The following LRP1B variants were observed in gnomAD, a reference collection of about 807,000 sequenced individuals.
The protein encoded by LRP1B is low-density lipoprotein receptor-related protein 1B.
LRP1B carries 217 observed loss-of-function variants against 556.6 expected under a neutral mutation model. The observed-to-expected ratio is 0.39, with a 90% CI of 0.35 to 0.44. The LOEUF (loss-of-function observed/expected upper bound fraction) is 0.44. Among genes scored for constraint, LRP1B ranks in the 20% least tolerant of loss-of-function variants. The pLI is 1.00. For synonymous variants in LRP1B, 2,047 were observed against 1,865.8 expected (o/e 1.10, Z -2.50); for missense variants, 5,053 against 5,620.8 (o/e 0.90, Z 3.23).
chr2:142,014,330 G>A (rs1223673010), intron 1 of LRP1B, among the ~76,000 whole-genome samples: 2 of 152,070 alleles, frequency 1.3e-5, no homozygotes, highest in East Asian at 3.9e-4. Context: ...AAATCTGTTT[G>A]CATTTTTTAT....
intron 5 of LRP1B, among the ~76,000 whole-genome samples, chr2:141,246,505 T>C (rs910471436): frequency 6.6e-6 from 1 of 152,026 alleles, no homozygotes; most frequent in Non-Finnish European, 1.5e-5. Context: ...CGATTTGGTT[T>C]ATGTTTTAGT....
intron 1 of LRP1B, among the ~76,000 whole-genome samples, chr2:142,082,181 A>G (rs1705743516): frequency 6.6e-6 from 1 of 152,210 alleles, no homozygotes; most frequent in South Asian, 2.1e-4. Flanking sequence ...AAGAAAATAA[A>G]TGAGATTATT....
At chr2:140,494,230 T>C (rs1374106928) in intron 56 of LRP1B, among the ~76,000 whole-genome samples, 1 of 152,132 alleles carries the variant, frequency 6.6e-6, no homozygotes, top group Admixed American at 6.5e-5. Context: ...CATATTTTAA[T>C]TGTTACTATT....
intron 66 of LRP1B, among the ~76,000 whole-genome samples, chr2:140,425,359 T>C (rs1257259229): frequency 5.3e-5 from 8 of 152,020 alleles, no homozygotes; most frequent in African/African-American, 1.9e-4. Flanking sequence ...TGGGTGTGAG[T>C]CTGGAGCCAG....
At chr2:140,775,557 G>C (rs954088181) in intron 33 of LRP1B, among the ~76,000 whole-genome samples, 1 of 149,718 alleles carries the variant, frequency 6.7e-6, no homozygotes, top group Admixed American at 6.7e-5. Flanking sequence ...GCAGATGTGG[G>C]GCTGTACTGG....
chr2:141,073,533 T>C (rs995686665), intron 7 of LRP1B, among the ~76,000 whole-genome samples: 4 of 152,122 alleles, frequency 2.6e-5, no homozygotes, highest in Non-Finnish European at 4.4e-5. Flanking sequence ...CCCATGACTT[T>C]CATTAATGTT....
chr2:140,760,022 CA>C (rs5834774), intron 35 of LRP1B, among the ~76,000 whole-genome samples: 52,704 of 151,814 alleles, frequency 0.35, 9,453 homozygotes, highest in African/African-American at 0.44. Flanking sequence ...ATAAAAACTT[CA>C]AAGAATGGTT....
chr2:142,075,849 CA>C (rs1404398515), intron 1 of LRP1B, among the ~76,000 whole-genome samples: 1 of 152,206 alleles, frequency 6.6e-6, no homozygotes, highest in East Asian at 1.9e-4. Flanking sequence ...CAATCACAAT[CA>C]AAACTCATGA....
At chr2:141,679,648 T>C (rs1035431164) in intron 2 of LRP1B, among the ~76,000 whole-genome samples, 2 of 152,068 alleles carry the variant, frequency 1.3e-5, no homozygotes, top group Non-Finnish European at 2.9e-5. Flanking sequence ...GCATGCACAT[T>C]GAGGGTTGCT....
rs1686648572 is a variant in LRP1B, at chr2:140,701,713, G to A, written c.6427+8C>T. ...ATACATATTATGTATTCTTTCAAGA[G>A]TGCTGACCTTTCTCTCTTACTCGGT... On this transcript the variant is annotated splice_region_variant and intron_variant, in intron 40 of 90. Coordinates refer to ENST00000389484, the MANE Select transcript of LRP1B (RefSeq NM_018557.3). The A allele has an allele frequency of 6.2e-7, 1 of 1,611,084 alleles. No homozygotes were observed. Among genetic ancestry groups the A allele is most frequent in the Non-Finnish European group, 8.5e-7 (1 of 1,178,288 alleles).
intron 7 of LRP1B, among the ~76,000 whole-genome samples, chr2:141,164,710 A>G (rs956472815): frequency 6.6e-6 from 1 of 152,022 alleles, no homozygotes; most frequent in African/African-American, 2.4e-5. Flanking sequence ...ATCCTGCTGA[A>G]ATCCAAATGT....
intron 35 of LRP1B, among the ~76,000 whole-genome samples, chr2:140,735,449 A>G (rs1687915368): frequency 1.3e-5 from 2 of 152,174 alleles, no homozygotes; most frequent in African/African-American, 4.8e-5. Flanking sequence ...AAAAATGGAC[A>G]CAGCTGAGCA....
At chr2:141,937,489 T>G (rs1486230424) in intron 1 of LRP1B, among the ~76,000 whole-genome samples, 1 of 151,864 alleles carries the variant, frequency 6.6e-6, no homozygotes, top group Non-Finnish European at 1.5e-5. Flanking sequence ...ATGTATGGAT[T>G]GAGACTATAT....
At chr2:140,442,279 A>G (rs1258301479) in intron 66 of LRP1B, among the ~76,000 whole-genome samples, 2 of 152,186 alleles carry the variant, frequency 1.3e-5, no homozygotes, top group Admixed American at 6.5e-5. Context: ...TATGTTTTAT[A>G]AAGTTCTGGG....
intron 7 of LRP1B, among the ~76,000 whole-genome samples, chr2:141,159,959 A>G (rs568823798): frequency 1.1e-4 from 17 of 152,214 alleles, no homozygotes; most frequent in Admixed American, 1.0e-3. Context: ...ACATGGACAC[A>G]GAGAGGGTAA....
At chr2:140,398,265 T>A (rs575397696) in intron 66 of LRP1B, among the ~76,000 whole-genome samples, 7 of 152,054 alleles carry the variant, frequency 4.6e-5, no homozygotes, top group Non-Finnish European at 8.8e-5. Context: ...ATATATTAGA[T>A]AAACATTACT....
chr2:142,101,945 G>A (rs1706581256), intron 1 of LRP1B, among the ~76,000 whole-genome samples: 1 of 151,898 alleles, frequency 6.6e-6, no homozygotes, highest in Non-Finnish European at 1.5e-5. Context: ...AGATAGTATG[G>A]AGAGAGAAAA....
chr2:141,826,399 C>G (rs564780322), intron 1 of LRP1B, among the ~76,000 whole-genome samples: 373 of 143,782 alleles, frequency 2.6e-3, no homozygotes, highest in Middle Eastern at 7.8e-3. Flanking sequence ...TCGCTCTGTC[C>G]CCCAGGCTGG....
At chr2:141,629,466 AC>A (rs1205184010) in intron 2 of LRP1B, among the ~76,000 whole-genome samples, 1 of 152,212 alleles carries the variant, frequency 6.6e-6, no homozygotes, top group Non-Finnish European at 1.5e-5. Flanking sequence ...GGTAAGGGTC[AC>A]TTGTATCCTG....
Sources: allele counts gnomAD v4.1 joint callset (sites outside exome capture counted in the v4.1 genomes callset), GRCh38; gene constraint gnomAD v4.1.1; transcripts MANE v1.5; gene names NCBI Gene and HGNC (gene_info 2026-07-23, HGNC 2026-07-21).